CDH3: variants seen among roughly 807,000 people sequenced by gnomAD.
CDH3 encodes cadherin 3.
A neutral mutation model predicts 82.0 loss-of-function variants in CDH3; 54 were observed. The ratio of observed to expected loss-of-function variants is 0.66; its 90% CI spans 0.53 to 0.83. The LOEUF is 0.83. Among genes scored for constraint, CDH3 ranks in the 40% least tolerant of loss-of-function variants. The pLI, the probability that CDH3 is intolerant of heterozygous loss-of-function variation, is 0.00. For synonymous variants in CDH3, 446 were observed against 437.9 expected (o/e 1.02, Z -0.23); for missense variants, 1,054 against 1,084.6 (o/e 0.97, Z 0.40).
At chr16:68,680,263 C>G (rs893919015) in intron 7 of CDH3, among the ~76,000 whole-genome samples, 2 of 152,250 alleles carry the variant, frequency 1.3e-5, no homozygotes, top group African/African-American at 4.8e-5. Flanking sequence ...CAGAGTGGCT[C>G]ACTTAGTGTG....
In CDH3 at chr16:68,649,862, C is replaced by T. The variant is rs1168369937; in HGVS notation, c.160+4112C>T. On this transcript the variant is annotated intron_variant, in intron 2 of 15. Transcript: ENST00000264012. ...CAGCCTGGCCAACATGGCGAAATCC[C>T]GTATCTACTAAAAACACAAAAATTA... is the stretch of plus-strand genomic sequence containing the variant. Among the ~76,000 whole-genome samples the T allele has an allele frequency of 6.6e-5, 10 of 152,150 alleles. No individual in the cohort carries two copies. The East Asian group carries it at 7.7e-4, about 12-fold the overall frequency.
chr16:68,718,451 G>A (rs1167797143), intron 1 of CDH3, among the ~76,000 whole-genome samples: 4 of 151,596 alleles, frequency 2.6e-5, no homozygotes, highest in Admixed American at 6.6e-5. Flanking sequence ...AGGCCGAGGC[G>A]GGTGGATCAT....
chr16:68,731,479 CACGTATAT>C (rs1962291974), downstream of CDH3, among the ~76,000 whole-genome samples: 1 of 30,336 alleles, frequency 3.3e-5, no homozygotes, highest in Non-Finnish European at 1.0e-4. Context: ...TATACACACA[CACGTATAT>C]ACACATATAT....
At chr16:68,732,894 G>A in the CDH3 span, among the ~76,000 whole-genome samples, 3 of 151,496 alleles carry the variant, frequency 2.0e-5, no homozygotes, top group Non-Finnish European at 4.4e-5. Flanking sequence ...TGAGCTGGCC[G>A]GCATGAAAGA....
intron 2 of CDH3, among the ~76,000 whole-genome samples, chr16:68,648,716 T>C (rs1422631654): frequency 6.6e-6 from 1 of 152,038 alleles, no homozygotes; most frequent in Admixed American, 6.6e-5. Flanking sequence ...TCCCAAGCAC[T>C]GAGATGACAG....
intron 1 of CDH3, among the ~76,000 whole-genome samples, chr16:68,718,975 C>A (rs4783667): frequency 0.25 from 37,972 of 151,824 alleles, 4,867 homozygotes; most frequent in Admixed American, 0.29. Flanking sequence ...GCGGTGGCTC[C>A]CTCACGCCTG....
intron 2 of CDH3, among the ~76,000 whole-genome samples, chr16:68,671,226 A>G (rs1960876367): frequency 6.6e-6 from 1 of 151,360 alleles, no homozygotes; most frequent in South Asian, 2.1e-4. Context: ...CCTGGGCTCA[A>G]GCAATCTGCC....
intron 2 of CDH3, among the ~76,000 whole-genome samples, chr16:68,654,178 G>A (rs1258625305): frequency 6.7e-6 from 1 of 148,930 alleles, no homozygotes; most frequent in Admixed American, 6.7e-5. Context: ...TCCTGCCTCA[G>A]CCTCCTGAAT....
Position 68,678,286 on chromosome 16 carries a change from G to T in CDH3, c.390+9G>T. 1 of 1,614,098 alleles carries T rather than the reference G, an allele frequency of 6.2e-7. No homozygotes were observed. Among genetic ancestry groups the T allele is most frequent in the Non-Finnish European group, 8.5e-7 (1 of 1,179,956 alleles). Reference sequence around the variant, plus strand: ...CCCAGAGACTGAATCAGGTACGACTGTGCCTTCTCCTGGGAAGCATTGGTG... The same window carrying T: ...CCCAGAGACTGAATCAGGTACGACTTTGCCTTCTCCTGGGAAGCATTGGTG... On this transcript the variant is annotated intron_variant, in intron 4 of 15. Coordinates refer to ENST00000264012, the MANE Select transcript of CDH3 (RefSeq NM_001793.6).
intron 2 of CDH3, among the ~76,000 whole-genome samples, chr16:68,650,717 C>T (rs1019152591): frequency 3.3e-4 from 50 of 152,114 alleles, no homozygotes; most frequent in African/African-American, 1.1e-3. Context: ...CAGTTCCCTC[C>T]ACGCCCAGGT....
At chr16:68,657,105 A>G (rs1960426229) in intron 2 of CDH3, among the ~76,000 whole-genome samples, 2 of 152,154 alleles carry the variant, frequency 1.3e-5, no homozygotes, top group Non-Finnish European at 2.9e-5. Flanking sequence ...GAGGTCTGCA[A>G]ATTCCTCCAG....
intron 2 of CDH3, among the ~76,000 whole-genome samples, chr16:68,653,335 C>G (rs531209171): frequency 6.6e-6 from 1 of 152,130 alleles, no homozygotes; most frequent in South Asian, 2.1e-4. Flanking sequence ...CTCCCAGGTT[C>G]AAGCGATTCT....
chr16:68,700,618 G>A (rs964129784), downstream of CDH3, among the ~76,000 whole-genome samples: 4 of 152,306 alleles, frequency 2.6e-5, no homozygotes, highest in Admixed American at 2.6e-4. Context: ...AGCCTGGCCT[G>A]ATCCGCCCGC....
downstream of CDH3, among the ~76,000 whole-genome samples, chr16:68,731,533 CACACACATATAT>C (rs1567468052): frequency 7.0e-4 from 41 of 58,600 alleles, no homozygotes; most frequent in East Asian, 1.5e-3. Flanking sequence ...CACACACACA[CACACACATATAT>C]ATATATACAA....
Position 68,691,738 on chromosome 16 carries a change from C to T in CDH3, c.1814C>T (p.Ser605Phe). 1.9e-6 allele frequency: 3 copies of T among 1,613,998 alleles called. No homozygotes were observed. Among genetic ancestry groups the T allele is most frequent in the Non-Finnish European group, 2.5e-6 (3 of 1,179,886 alleles). The change falls in exon 13 of 16, where the codon TCC (serine) becomes TTC (phenylalanine). Residue 605 changes from serine (S) to phenylalanine (F), a missense_variant. Physicochemically the swap from Ser to Phe is radical, Grantham distance 155 (BLOSUM62 -2). Transcript: ENST00000264012. ...VNEEGDTVVL[S>F]LKKFLKQDTY... ...ACTCCAGGTGACACAGTGGTCTTGT[C>T]CCTGAAGAAGTTCCTGAAGCAGGAT... is the stretch of plus-strand genomic sequence containing the variant.
At chr16:68,693,166 C>T (rs6499193) in intron 13 of CDH3, among the ~76,000 whole-genome samples, 85,723 of 152,014 alleles carry the variant, frequency 0.56, 24,461 homozygotes, top group Middle Eastern at 0.62. Context: ...GCACAGGGTA[C>T]CATCATGTCA....
At chr16:68,726,168 C>T (rs1158322970) in intron 2 of CDH3, among the ~76,000 whole-genome samples, 2 of 152,180 alleles carry the variant, frequency 1.3e-5, no homozygotes, top group African/African-American at 4.8e-5. Context: ...GCCTCCCTGC[C>T]TCTGCCATGA....
intron 1 of CDH3, among the ~76,000 whole-genome samples, chr16:68,708,156 C>T (rs1961987282): frequency 6.6e-6 from 1 of 152,030 alleles, no homozygotes; most frequent in South Asian, 2.1e-4. Flanking sequence ...GGTGAAAACC[C>T]ATGTCTACTA....
At chr16:68,646,590 G>C (rs1017935349) in intron 2 of CDH3, among the ~76,000 whole-genome samples, 4 of 151,850 alleles carry the variant, frequency 2.6e-5, no homozygotes, top group Non-Finnish European at 4.4e-5. Flanking sequence ...ATGAGACCCA[G>C]GCGGTTGGTT....
Sources: allele counts gnomAD v4.1 joint callset (sites outside exome capture counted in the v4.1 genomes callset), GRCh38; gene constraint gnomAD v4.1.1; transcripts MANE v1.5; gene names NCBI Gene and HGNC (gene_info 2026-07-23, HGNC 2026-07-21).